VPS13C: variants seen among roughly 807,000 people sequenced by gnomAD.
The protein encoded by VPS13C is intermembrane lipid transfer protein VPS13C.
Under a neutral mutation model 456.8 loss-of-function variants are expected in VPS13C, and 358 were observed. The observed-to-expected ratio is 0.78, with a 90% confidence interval of 0.72 to 0.86. The LOEUF (loss-of-function observed/expected upper bound fraction) is 0.86. Among genes scored for constraint, VPS13C ranks in the 40% least tolerant of loss-of-function variants. VPS13C has a pLI of 0.00. For synonymous variants in VPS13C, 1,578 were observed against 1,486.7 expected, an observed-to-expected ratio of 1.06 and a Z score of -1.41; for missense variants, 4,818 against 4,385.4, an observed-to-expected ratio of 1.10 and a Z score of -2.79.
chr15:61,964,844 T>C lies in VPS13C; in HGVS notation c.3069A>G (p.Leu1023=), dbSNP rs149101775. Residue 1023 remains leucine (L), a synonymous_variant, in exon 31 of 85, where the codon TTA becomes TTG. Coordinates refer to ENST00000644861, the MANE Select transcript of VPS13C (RefSeq NM_020821.3). ...GAGCTTGTGTTTGCAGCAACAGATT[T>C]AAAGATGAAAAGGCCACCTAAAAAT... ...EQTVKVAFSS[L]NLLLQTQALV... 47 of 1,598,026 alleles carry C rather than the reference T, an allele frequency of 2.9e-5. No individual in the cohort carries two copies. The highest frequency in any genetic ancestry group is 3.8e-5 in the Non-Finnish European group (45 of 1,175,394).
chr15:62,014,904 T>G (rs1305303061), intron 9 of VPS13C, among the ~76,000 whole-genome samples: 1 of 152,136 alleles, frequency 6.6e-6, no homozygotes, highest in Non-Finnish European at 1.5e-5. Flanking sequence ...GGTCATATAT[T>G]ACTTAAGTAT....
chr15:61,900,845 C>T (rs1301902238), intron 66 of VPS13C, among the ~76,000 whole-genome samples: 11 of 151,846 alleles, frequency 7.2e-5, no homozygotes, highest in African/African-American at 2.2e-4. Flanking sequence ...CATCACACTG[C>T]CTGACTTCAA....
chr15:62,022,245 C>T (rs529539570), intron 8 of VPS13C, among the ~76,000 whole-genome samples: 1 of 151,762 alleles, frequency 6.6e-6, no homozygotes, highest in East Asian at 1.9e-4. Flanking sequence ...TAGGTTTTTT[C>T]CTATATATAC....
intron 9 of VPS13C, among the ~76,000 whole-genome samples, chr15:62,018,195 A>G (rs1297273528): frequency 1.3e-5 from 2 of 152,116 alleles, no homozygotes; most frequent in African/African-American, 4.8e-5. Flanking sequence ...GGCTGAGACG[A>G]TGGGGTTTTC....
chr15:61,901,960 T>C (rs945505246), intron 66 of VPS13C, among the ~76,000 whole-genome samples: 1 of 151,822 alleles, frequency 6.6e-6, no homozygotes, highest in Admixed American at 6.6e-5. Flanking sequence ...ATGTCCTTTG[T>C]AGGGACATGG....
chr15:62,013,992 T>A lies in VPS13C; in HGVS notation c.685A>T (p.Thr229Ser). 6.2e-7 allele frequency: 1 copy of A among 1,607,884 alleles called. No homozygotes were observed. The highest frequency in any genetic ancestry group is 8.5e-7 in the Non-Finnish European group (1 of 1,176,652). Residue 229 changes from threonine to serine, a missense_variant and splice_region_variant, in exon 10 of 85, where the codon ACT (threonine) becomes TCT (serine). By Grantham distance (58) the Thr-to-Ser change is moderately conservative. Coordinates refer to ENST00000644861, the MANE Select transcript of VPS13C (RefSeq NM_020821.3). ...CATGGAGTCCAGTGTTCATTTGCAG[T>A]CTAAAAGAAAAAAGGGAATACCTGT... ...GVTLGELSLL[T>S]ANEHWTPCIL...
intron 81 of VPS13C, 199 bp from the exon 82 acceptor site, chr15:61,863,727 G>T (rs766287231): frequency 2.9e-5 from 12 of 409,096 alleles, no homozygotes; most frequent in Non-Finnish European, 5.2e-5. Flanking sequence ...TGCCTTAAAA[G>T]AAAAACATGT....
rs761760948 is a variant in VPS13C at position 61,863,489 on chromosome 15, G to T, written c.10903C>A (p.His3635Asn). Residue 3635 changes from histidine to asparagine, a missense_variant, in exon 82 of 85, where the codon CAC becomes AAC. By Grantham distance (68) the His-to-Asn change is moderately conservative. Around this residue, in one of 3 missense-constraint regions of VPS13C, gnomAD observed 261 missense variants for 234.1 expected, o/e 1.11. Coordinates refer to ENST00000644861, the MANE Select transcript of VPS13C (RefSeq NM_020821.3). ...KKLEGETYRY[H>N]CAIPGSKKTI... ...TTCTTGCTTCCAGGAATAGCACAGTGGTATCGGTAAGTCTCTCCTTCCAAC... is the reference window on the plus strand; with the variant it reads ...TTCTTGCTTCCAGGAATAGCACAGTTGTATCGGTAAGTCTCTCCTTCCAAC... 5 of 1,612,556 alleles carry T rather than the reference G, an allele frequency of 3.1e-6. No individual in the cohort carries two copies. The highest frequency in any genetic ancestry group is 3.4e-6 in the Non-Finnish European group (4 of 1,179,086).
At chr15:61,859,477 C>T (rs1894106800) in intron 82 of VPS13C, among the ~76,000 whole-genome samples, 1 of 152,138 alleles carries the variant, frequency 6.6e-6, no homozygotes, top group Admixed American at 6.5e-5. Flanking sequence ...GACTGATCTC[C>T]CAACACTAAC....
chr15:61,932,191 T>C (rs1030677965), intron 49 of VPS13C, among the ~76,000 whole-genome samples: 3 of 152,160 alleles, frequency 2.0e-5, no homozygotes, highest in African/African-American at 7.2e-5. Context: ...GAGATCATTA[T>C]GGCTGGGGAA....
chr15:61,865,428 T>C (rs1894472896), intron 81 of VPS13C: 1 of 984,368 alleles, frequency 1.0e-6, no homozygotes, highest in Admixed American at 6.2e-5. Context: ...CATGGAAAAA[T>C]ATAACTAAAA....
At chr15:61,944,612 A>T (rs1350433777) in intron 45 of VPS13C, among the ~76,000 whole-genome samples, 2 of 152,140 alleles carry the variant, frequency 1.3e-5, no homozygotes, top group South Asian at 4.1e-4. Flanking sequence ...ACATTGGGAA[A>T]AAAAGACACT....
chr15:61,971,518 C>T (rs2045555836), intron 27 of VPS13C, among the ~76,000 whole-genome samples: 1 of 152,166 alleles, frequency 6.6e-6, no homozygotes, highest in Admixed American at 6.5e-5. Context: ...ACCTCGGGCT[C>T]CCAAAGTGCT....
At chr15:61,880,299 T>C (rs1232754257) in intron 73 of VPS13C, among the ~76,000 whole-genome samples, 1 of 152,118 alleles carries the variant, frequency 6.6e-6, no homozygotes, top group Non-Finnish European at 1.5e-5. Context: ...GTGATAGTAG[T>C]TACAAAGTGC....
chr15:62,007,163 T>A lies in VPS13C; in HGVS notation c.1290+145A>T, dbSNP rs571183538. On this transcript the variant is annotated intron_variant, in intron 15 of 84. Coordinates refer to ENST00000644861, the MANE Select transcript of VPS13C (RefSeq NM_020821.3). ...AAGAAGAAAAACTGGAAAAAAAAAA[T>A]TCTGCATTTTCCCACATAATTCTCT... 9.6e-6 allele frequency: 7 copies of A among 726,348 alleles called. No individual in the cohort carries two copies. The East Asian group carries it at 2.1e-4, about 22-fold the overall frequency. The allele number at this position is 726,348 out of a possible 1,614,324, so 45.0% of individuals were successfully genotyped here. A position where few individuals can be genotyped will look rare whatever the true frequency, so the allele number is the denominator to read the frequency against.
intron 11 of VPS13C, among the ~76,000 whole-genome samples, 195 bp downstream of exon 11, chr15:62,012,844 A>G (rs1022425955): frequency 6.6e-6 from 1 of 151,984 alleles, no homozygotes; most frequent in South Asian, 2.1e-4. Flanking sequence ...GAATGATTTC[A>G]CAAACATCTT....
chr15:61,984,549 C>T (rs890324425), intron 19 of VPS13C, among the ~76,000 whole-genome samples: 1 of 152,116 alleles, frequency 6.6e-6, no homozygotes, highest in Non-Finnish European at 1.5e-5. Flanking sequence ...CTTTTATCAG[C>T]TATAGCATAC....
In VPS13C at chr15:62,020,500, T is replaced by C. The variant is rs373090102; in HGVS notation, c.663A>G (p.Thr221=). The change falls in exon 9 of 85, where the codon ACA becomes ACG. Residue 221 remains threonine, a synonymous_variant. Transcript: ENST00000644861. ...DPKRPLSFGV[T]LGELSLLTAN... is the part of the protein sequence containing the mutation. ...TTACCAGTAGACTAAGCTCTCCCAGTGTGACACCAAATGAAAGAGGCCGCT... is the reference window on the plus strand; with the variant it reads ...TTACCAGTAGACTAAGCTCTCCCAGCGTGACACCAAATGAAAGAGGCCGCT... 1.2e-6 allele frequency: 2 copies of C among 1,611,688 alleles called. No individual in the cohort carries two copies. The highest frequency in any genetic ancestry group is 2.2e-5 in the South Asian group (2 of 90,916).
chr15:61,908,361 T>C (rs1477781315), intron 65 of VPS13C, among the ~76,000 whole-genome samples: 2 of 151,400 alleles, frequency 1.3e-5, no homozygotes, highest in South Asian at 2.1e-4. Context: ...TATATACATA[T>C]GTTAATATAA....
Sources: gnomAD v4.1 joint callset for allele counts (sites outside exome capture counted in the v4.1 genomes callset) on GRCh38, gnomAD v4.1.1 for gene constraint, gnomAD v4.1.1 regional missense constraint, MANE v1.5 for transcripts, NCBI Gene and HGNC (gene_info 2026-07-23, HGNC 2026-07-21) for gene names.